Variants in TUBE1 observed in about 807,000 individuals in gnomAD.
TUBE1 encodes tubulin epsilon chain.
TUBE1 carries 34 observed loss-of-function variants against 53.5 expected under a neutral mutation model. The ratio of observed to expected loss-of-function variants is 0.64; its 90% CI spans 0.48 to 0.85. TUBE1 has a LOEUF of 0.85. TUBE1 is among the 40% of genes least tolerant of loss of function. The pLI is 0.00. For missense variants in TUBE1, 532 were observed against 570.5 expected (o/e 0.93, Z 0.69); for synonymous variants, 177 against 198.4 (o/e 0.89, Z 0.91).
rs1458650929 is a variant in TUBE1, at chr6:112,072,882, A to C, written c.970T>G (p.Ser324Ala). The C allele has an allele frequency of 1.2e-6, 2 of 1,613,110 alleles. No individual in the cohort carries two copies. The highest frequency in any genetic ancestry group is 2.7e-5 in the African/African-American group (2 of 74,886). Reference protein sequence around the residue: ...IPPRRLDQMFSDAFSKDHQLL... With the variant: ...IPPRRLDQMFADAFSKDHQLL... ...TGGTGATCTTTACTAAAGGCATCTG[A>C]AAACATCTGATCCAATCTGCAACAA... Residue 324 changes from serine (S) to alanine (A), a missense_variant, in exon 10 of 12, where the codon TCA becomes GCA. Physicochemically the swap from Ser to Ala is moderately conservative, Grantham distance 99. Transcript: ENST00000368662.
chr6:112,083,475 C>T (rs1296614891), intron 4 of TUBE1, among the ~76,000 whole-genome samples: 7 of 151,970 alleles, frequency 4.6e-5, no homozygotes, highest in East Asian at 1.9e-4. Flanking sequence ...CCCGCCACCT[C>T]GCCCAGCTAA....
rs374075783 is a variant in TUBE1, at chr6:112,081,134, G to T, written c.284C>A (p.Thr95Lys). 2 of 1,606,488 alleles carry T rather than the reference G, an allele frequency of 1.2e-6. No individual in the cohort carries two copies. The highest frequency in any genetic ancestry group is 1.7e-5 in the Admixed American group (1 of 59,664). The change falls in exon 5 of 12, where the codon ACG becomes AAG. Residue 95 changes from threonine (T) to lysine (K), a missense_variant. Physicochemically the swap from Thr to Lys is moderately conservative, Grantham distance 78. Transcript: ENST00000368662. Reference protein sequence around the residue: ...LQGPLRDVFDTKQLITDISGS... With the variant: ...LQGPLRDVFDKKQLITDISGS... Reference sequence around the variant, plus strand: ...AGAAATATCAGTGATGAGCTGTTTCGTATCAAATACATCTCTCAGTGGTCC... The same window carrying T: ...AGAAATATCAGTGATGAGCTGTTTCTTATCAAATACATCTCTCAGTGGTCC...
intron 5 of TUBE1, among the ~76,000 whole-genome samples, chr6:112,079,981 A>T (rs1190771954): frequency 2.0e-5 from 3 of 151,898 alleles, no homozygotes; most frequent in African/African-American, 7.2e-5. Context: ...TGGATAAGTA[A>T]GCTCATTAGT....
Position 112,076,406 on chromosome 6 carries a change from A to C in TUBE1, c.552T>G (p.Asp184Glu). The C allele has an allele frequency of 6.2e-7, 1 of 1,613,384 alleles. No homozygotes were observed. The highest frequency in any genetic ancestry group is 8.5e-7 in the Non-Finnish European group (1 of 1,179,520). The change falls in exon 7 of 12, where the codon GAT (aspartate) becomes GAG (glutamate). Residue 184 changes from aspartate to glutamate, a missense_variant. Coordinates refer to ENST00000368662, the MANE Select transcript of TUBE1 (RefSeq NM_016262.5). ...VTSIYPSGEDDVITSPYNSIL... is the reference protein window; with the variant it reads ...VTSIYPSGEDEVITSPYNSIL... ...TGCTATTATAAGGTGAGGTTATGAC[A>C]TCATCCTCACCAGAAGGATAAATGG... is the stretch of plus-strand genomic sequence containing the variant.
chr6:112,071,504 A>G lies in TUBE1; in HGVS notation c.1336T>C (p.Ser446Pro), dbSNP rs1776860878. Residue 446 changes from serine to proline, a missense_variant, in exon 12 of 12, where the codon TCT (serine) becomes CCT (proline). By Grantham distance (74) the Ser-to-Pro change is moderately conservative. Transcript: ENST00000368662. ...EESCFTEAVS[S>P]LSALIQEYDQ... ...TATTCCTGTATGAGTGCTGATAAAG[A>G]TGACACAGCTTCTGTGAAACAGCTT... The G allele has an allele frequency of 6.2e-7, 1 of 1,612,724 alleles. No homozygotes were observed. Among genetic ancestry groups the G allele is most frequent in the Non-Finnish European group, 8.5e-7 (1 of 1,179,190 alleles).
At chr6:112,079,519 T>C in intron 6 of TUBE1, 114 bp downstream of exon 6, 1 of 1,036,308 alleles carries the variant, frequency 9.6e-7, no homozygotes. Context: ...CTACACACCC[T>C]CCGAATAGTT....
At chr6:112,085,048 A>C (rs1240596311) in intron 3 of TUBE1, among the ~76,000 whole-genome samples, 1 of 152,232 alleles carries the variant, frequency 6.6e-6, no homozygotes, top group Non-Finnish European at 1.5e-5. Context: ...CTATGCCCAC[A>C]ATCATGCTAC....
intron 4 of TUBE1, among the ~76,000 whole-genome samples, 200 bp from the exon 5 acceptor site, chr6:112,081,407 A>G (rs1186579871): frequency 6.6e-6 from 1 of 152,074 alleles, no homozygotes. Context: ...TAAAAAATGG[A>G]TTCTAAATTC....
intron 6 of TUBE1, 168 bp downstream of exon 6, chr6:112,079,465 C>A (rs2114486814): frequency 6.0e-6 from 3 of 498,590 alleles, no homozygotes; most frequent in South Asian, 7.4e-5. Flanking sequence ...TGACATAATT[C>A]CACAAAATTT....
chr6:112,082,324 C>G (rs1453621032), intron 4 of TUBE1, among the ~76,000 whole-genome samples: 1 of 152,152 alleles, frequency 6.6e-6, no homozygotes, highest in Admixed American at 6.5e-5. Flanking sequence ...CAAATGCTGA[C>G]TTTAACACCT....
intron 3 of TUBE1, 77 bp downstream of exon 3, chr6:112,086,479 T>C (rs1583600246): frequency 9.2e-7 from 1 of 1,083,348 alleles, no homozygotes; most frequent in Non-Finnish European, 1.3e-6. Flanking sequence ...GCTATTTTTA[T>C]TGTCCTTTGA....
chr6:112,071,965 G>A lies in TUBE1; in HGVS notation c.1206C>T (p.Asn402=), dbSNP rs1776874701. The A allele has an allele frequency of 1.2e-6, 2 of 1,612,578 alleles. No individual in the cohort carries two copies. The highest frequency in any genetic ancestry group is 1.8e-4 in the Middle Eastern group (1 of 5,624). ...CCATGAAGGTGGGCTTCACACATGT[G>A]TTATTTGCTAAAGCTAATAACGAAT... ...HSHSLLALAN[N]TCVKPTFMEL... The change falls in exon 11 of 12, where the codon AAC becomes AAT. Residue 402 remains asparagine (N), a synonymous_variant. Coordinates refer to ENST00000368662, the MANE Select transcript of TUBE1 (RefSeq NM_016262.5).
At chr6:112,074,624 TAG>T (rs1776923316) in intron 9 of TUBE1, 84 bp downstream of exon 9, 2 of 1,018,622 alleles carry the variant, frequency 2.0e-6, no homozygotes, top group Admixed American at 3.2e-5. Context: ...ATTAAATAAC[TAG>T]AGTTATTGCA....
In TUBE1 at chr6:112,070,862, G is replaced by T. The variant is rs1554315179; in HGVS notation, c.*550C>A. 1 of 152,106 alleles carries T rather than the reference G, an allele frequency of 6.6e-6. No homozygotes were observed. Among genetic ancestry groups the T allele is most frequent in the Admixed American group, 6.5e-5 (1 of 15,276 alleles). 9.4% of individuals were successfully genotyped at this position (152,106 alleles called of 1,614,324 possible). A position where few individuals can be genotyped will look rare whatever the true frequency, so the allele number is the denominator to read the frequency against. Reference sequence around the variant, plus strand: ...AAAGTTTAATACAAATACATGTTAAGTGTACAAATTAGGATTCTTTTGGGC... The same window carrying T: ...AAAGTTTAATACAAATACATGTTAATTGTACAAATTAGGATTCTTTTGGGC... On this transcript the variant is annotated 3_prime_UTR_variant, in exon 12 of 12. Transcript: ENST00000368662.
intron 10 of TUBE1, 52 bp downstream of exon 10, chr6:112,072,706 C>G (rs1275546852): frequency 1.9e-6 from 3 of 1,583,714 alleles, no homozygotes; most frequent in Non-Finnish European, 2.6e-6. Flanking sequence ...ACTACTATGC[C>G]ACACTGTCCC....
At chr6:112,072,500 T>C (rs903222114) in intron 10 of TUBE1, among the ~76,000 whole-genome samples, 1 of 152,126 alleles carries the variant, frequency 6.6e-6, no homozygotes, top group African/African-American at 2.4e-5. Flanking sequence ...AAAAATAGTA[T>C]AGCTACGATT....
intron 2 of TUBE1, 193 bp from the exon 3 acceptor site, chr6:112,086,801 AG>A: frequency 1.9e-6 from 1 of 531,974 alleles, no homozygotes; most frequent in Non-Finnish European, 3.3e-6. Flanking sequence ...ACAGATAAAA[AG>A]TTCAGCAGGG....
chr6:112,080,994 C>A, intron 5 of TUBE1, 98 bp downstream of exon 5: 1 of 744,846 alleles, frequency 1.3e-6, no homozygotes, highest in South Asian at 2.1e-5. Flanking sequence ...CATTATGTGG[C>A]AAATTACATC....
rs1776926030 is a variant in TUBE1 at position 112,074,716 on chromosome 6, G to T, written c.947C>A (p.Pro316His). 3.3e-6 allele frequency: 5 copies of T among 1,524,224 alleles called. No homozygotes were observed. Among genetic ancestry groups the T allele is most frequent in the Non-Finnish European group, 3.5e-6 (4 of 1,137,852 alleles). The allele number at this position is 1,524,224 out of a possible 1,614,324, so 94.4% of individuals were successfully genotyped here. A position where few individuals can be genotyped will look rare whatever the true frequency, so the allele number is the denominator to read the frequency against. ...LYTLTDVNIP[P>H]RRLDQMFSDA... Reference sequence around the variant, plus strand: ...AAACAAAGTTACACCTTACCTTCTAGGAGGAATGTTAACATCTGTCAGTGT... The same window carrying T: ...AAACAAAGTTACACCTTACCTTCTATGAGGAATGTTAACATCTGTCAGTGT... The change falls in exon 9 of 12, where the codon CCT becomes CAT. Residue 316 changes from proline to histidine, a missense_variant. Physicochemically the swap from Pro to His is moderately conservative, Grantham distance 77. Coordinates refer to ENST00000368662, the MANE Select transcript of TUBE1 (RefSeq NM_016262.5).
Sources: gnomAD v4.1 joint callset for allele counts (sites outside exome capture counted in the v4.1 genomes callset) on GRCh38, gnomAD v4.1.1 for gene constraint, MANE v1.5 for transcripts, NCBI Gene and HGNC (gene_info 2026-07-23, HGNC 2026-07-21) for gene names.